Variants in SNTB1 observed in about 807,000 individuals in gnomAD.
SNTB1 encodes the protein syntrophin beta 1.
A neutral mutation model predicts 48.9 loss-of-function variants in SNTB1; 36 were observed. That is an observed-to-expected ratio of 0.74 (90% CI 0.56 to 0.97). SNTB1 has a LOEUF of 0.97. Among genes scored for constraint, SNTB1 ranks in the 50% least tolerant of loss-of-function variants. SNTB1 has a pLI of 0.00. For synonymous variants in SNTB1, 299 were observed against 294.6 expected (o/e 1.01, Z -0.15); for missense variants, 786 against 703.4 (o/e 1.12, Z -1.33).
chr8:120,544,081 T>C (rs1300464936), intron 5 of SNTB1, among the ~76,000 whole-genome samples: 1 of 152,008 alleles, frequency 6.6e-6, no homozygotes, highest in Non-Finnish European at 1.5e-5. Flanking sequence ...ATGTGTCCCA[T>C]GACTGACTCC....
At chr8:120,810,189 A>G (rs141255334) in intron 1 of SNTB1, among the ~76,000 whole-genome samples, 6 of 152,334 alleles carry the variant, frequency 3.9e-5, no homozygotes, top group African/African-American at 7.2e-5. Flanking sequence ...AGATACCGCA[A>G]TCTACAGCTA....
intron 1 of SNTB1, among the ~76,000 whole-genome samples, chr8:120,756,316 A>C (rs1819316994): frequency 6.6e-6 from 1 of 152,176 alleles, no homozygotes; most frequent in South Asian, 2.1e-4. Flanking sequence ...ATCAATGCCT[A>C]AAATAGCAAT....
At chr8:120,657,114 T>C (rs1247026399) in intron 2 of SNTB1, among the ~76,000 whole-genome samples, 3 of 152,242 alleles carry the variant, frequency 2.0e-5, no homozygotes, top group African/African-American at 4.8e-5. Context: ...TTATAGTATA[T>C]ACATGTACAA....
At chr8:120,584,132 G>C (rs1044860518) in intron 3 of SNTB1, among the ~76,000 whole-genome samples, 1 of 151,626 alleles carries the variant, frequency 6.6e-6, no homozygotes, top group Non-Finnish European at 1.5e-5. Flanking sequence ...ATGACAAAAC[G>C]CTATCTCTAC....
At chr8:120,594,698 C>G (rs1173195231) in intron 3 of SNTB1, among the ~76,000 whole-genome samples, 1 of 152,108 alleles carries the variant, frequency 6.6e-6, no homozygotes, top group African/African-American at 2.4e-5. Context: ...GTATAAATCT[C>G]AAATGATTTC....
intron 1 of SNTB1, among the ~76,000 whole-genome samples, chr8:120,732,185 A>G (rs1018509890): frequency 9.9e-5 from 15 of 152,172 alleles, no homozygotes; most frequent in African/African-American, 3.4e-4. Flanking sequence ...TAAATCGGCT[A>G]CTTTTTCAAG....
At chr8:120,750,203 C>T (rs542617207) in intron 1 of SNTB1, among the ~76,000 whole-genome samples, 4 of 151,672 alleles carry the variant, frequency 2.6e-5, no homozygotes, top group South Asian at 4.2e-4. Flanking sequence ...CACCATTGCC[C>T]GCTTCCTTTA....
chr8:120,561,926 G>A (rs2130668841), intron 4 of SNTB1, among the ~76,000 whole-genome samples: 1 of 152,258 alleles, frequency 6.6e-6, no homozygotes. Flanking sequence ...CCTCCTGTCT[G>A]TGGAGCTGTT....
intron 3 of SNTB1, among the ~76,000 whole-genome samples, chr8:120,586,736 G>C (rs994822804): frequency 6.6e-6 from 1 of 152,154 alleles, no homozygotes; most frequent in African/African-American, 2.4e-5. Context: ...GCCTACCTCA[G>C]TTGGCAACGA....
intron 2 of SNTB1, among the ~76,000 whole-genome samples, chr8:120,663,053 C>T (rs779322111): frequency 3.8e-4 from 58 of 151,266 alleles, no homozygotes; most frequent in Non-Finnish European, 6.8e-4. Flanking sequence ...GTGGCAGATA[C>T]AGAACCCAAT....
At chr8:120,543,743 G>A (rs1175381346) in intron 5 of SNTB1, among the ~76,000 whole-genome samples, 4 of 152,092 alleles carry the variant, frequency 2.6e-5, no homozygotes, top group Admixed American at 2.0e-4. Context: ...GCTGTTAATC[G>A]AAGCTCTGAT....
chr8:120,705,052 C>T (rs553366657), intron 1 of SNTB1, among the ~76,000 whole-genome samples: 39 of 152,268 alleles, frequency 2.6e-4, no homozygotes, highest in African/African-American at 8.9e-4. Flanking sequence ...CAGCCTATAC[C>T]TGAAGTTCTA....
intron 1 of SNTB1, among the ~76,000 whole-genome samples, chr8:120,767,963 G>A (rs1819555920): frequency 6.6e-6 from 1 of 152,160 alleles, no homozygotes; most frequent in East Asian, 1.9e-4. Flanking sequence ...AGTCCTGCAG[G>A]GATTATCCAG....
At chr8:120,649,223 C>T (rs919461675) in intron 2 of SNTB1, among the ~76,000 whole-genome samples, 64 of 151,752 alleles carry the variant, frequency 4.2e-4, no homozygotes, top group South Asian at 1.7e-3. Flanking sequence ...ACTGCGTTCC[C>T]TTGGAGGAGG....
chr8:120,619,801 A>C (rs1435169500), intron 3 of SNTB1, among the ~76,000 whole-genome samples: 1 of 152,080 alleles, frequency 6.6e-6, no homozygotes, highest in Non-Finnish European at 1.5e-5. Context: ...GAGGAGGCCC[A>C]GATAACCCCC....
rs544126038 is a variant in SNTB1 at position 120,545,004 on chromosome 8, T to C, written c.1334-3004A>G. ...CATGATTGCATAAACAGAGGAAATT[T>C]GGAAAAACCCTACTACATGTTAACA... On this transcript the variant is annotated intron_variant, in intron 5 of 6. Coordinates refer to ENST00000517992, the MANE Select transcript of SNTB1 (RefSeq NM_021021.4). Among the ~76,000 whole-genome samples, 45 of 152,300 alleles carry C rather than the reference T, an allele frequency of 3.0e-4. No homozygotes were observed. In the South Asian group the frequency reaches 5.8e-3, roughly 20 times the overall value.
intron 1 of SNTB1, among the ~76,000 whole-genome samples, chr8:120,796,819 T>C (rs1046445554): frequency 2.0e-5 from 3 of 152,040 alleles, no homozygotes; most frequent in African/African-American, 7.2e-5. Context: ...ATTTGAACAC[T>C]CACGTGGCAA....
chr8:120,755,054 C>A (rs1359791856), intron 1 of SNTB1, among the ~76,000 whole-genome samples: 1 of 151,934 alleles, frequency 6.6e-6, no homozygotes, highest in Non-Finnish European at 1.5e-5. Context: ...CTCATGTCAC[C>A]CAGTGTGGTT....
intron 3 of SNTB1, among the ~76,000 whole-genome samples, chr8:120,628,971 T>C (rs1195120011): frequency 1.3e-5 from 2 of 152,058 alleles, no homozygotes; most frequent in South Asian, 2.1e-4. Context: ...CTGGGCAACA[T>C]AGTGAGACCC....
Sources: gnomAD v4.1 joint callset for allele counts (sites outside exome capture counted in the v4.1 genomes callset) on GRCh38, gnomAD v4.1.1 for gene constraint, MANE v1.5 for transcripts, NCBI Gene and HGNC (gene_info 2026-07-23, HGNC 2026-07-21) for gene names.